Variants in SCARB1 observed in about 807,000 individuals in gnomAD.
SCARB1 encodes the protein scavenger receptor class B member 1.
In SCARB1, 30 loss-of-function variants were observed where a neutral mutation model predicts 57.2. The observed-to-expected ratio is 0.52, with a 90% CI of 0.39 to 0.71. The LOEUF (loss-of-function observed/expected upper bound fraction) is 0.71. SCARB1 is among the 30% of genes least tolerant of loss of function. SCARB1 has a pLI of 0.00. For missense variants in SCARB1, 543 were observed against 671.2 expected (o/e 0.81, Z 2.11); for synonymous variants, 249 against 268.3 (o/e 0.93, Z 0.70).
intron 4 of SCARB1, among the ~76,000 whole-genome samples, chr12:124,813,057 G>C (rs1950579727): frequency 6.6e-6 from 1 of 152,094 alleles, no homozygotes. Context: ...ACTACCCAAA[G>C]CCCAATCTCT....
At position 124,814,379 on chromosome 12, in the gene SCARB1, C is replaced by T. The variant is rs759362088; in HGVS notation, c.453G>A (p.Lys151=). 4.3e-6 allele frequency: 7 copies of T among 1,613,776 alleles called. No individual in the cohort carries two copies. In the African/African-American group the frequency reaches 8.0e-5, roughly 18 times the overall value. ...VLGAAVMMEN[K]PMTLKLIMTL... ...TCATGATGAGCTTCAGGGTCATGGGCTTATTCTCCATCATCACCGCCGCAC... is the reference window on the plus strand; with the variant it reads ...TCATGATGAGCTTCAGGGTCATGGGTTTATTCTCCATCATCACCGCCGCAC... Residue 151 remains lysine (K), a synonymous_variant, in exon 4 of 13, where the codon AAG becomes AAA. Coordinates refer to ENST00000261693, the MANE Select transcript of SCARB1 (RefSeq NM_005505.5). The surrounding 1 kb of genome is among the most constrained non-coding windows in gnomAD (Gnocchi z 4.7).
rs1950747371 is a variant in SCARB1, at chr12:124,817,042, GTGTGTGTA to G, written c.284+500_284+507del. ...TGCATGTGTGTGTGTGTGTGTGTGT[GTGTGTGTA>G]TGTGTGTATGCATGTGTAGGTACAT... On this transcript the variant is annotated intron_variant, in intron 2 of 12. Coordinates refer to ENST00000261693, the MANE Select transcript of SCARB1 (RefSeq NM_005505.5). The surrounding 1 kb of genome is among the most constrained non-coding windows in gnomAD (Gnocchi z 4.8). Among the ~76,000 whole-genome samples, 1 of 142,960 alleles carries G rather than the reference GTGTGTGTA, an allele frequency of 7.0e-6. No individual in the cohort carries two copies. Among genetic ancestry groups the G allele is most frequent in the African/African-American group, 2.8e-5 (1 of 35,354 alleles). 93.8% of individuals were successfully genotyped at this position (142,960 alleles called of 152,430 possible).
At chr12:124,827,460 C>T (rs78784700) in intron 1 of SCARB1, among the ~76,000 whole-genome samples, 8 of 152,124 alleles carry the variant, frequency 5.3e-5, no homozygotes, top group African/African-American at 7.2e-5. Flanking sequence ...CAGGTGGTGG[C>T]GCCAAGGTCG....
chr12:124,818,862 C>T (rs1397705519), intron 1 of SCARB1, among the ~76,000 whole-genome samples: 2 of 152,102 alleles, frequency 1.3e-5, no homozygotes, highest in African/African-American at 4.8e-5. Context: ...GGTTTCACCA[C>T]GTTGGCCAGG....
At chr12:124,799,050 T>C (rs921760649) in intron 8 of SCARB1, among the ~76,000 whole-genome samples, 5 of 152,176 alleles carry the variant, frequency 3.3e-5, no homozygotes, top group Admixed American at 3.3e-4. Context: ...AATAGCAATG[T>C]ATTGTAAGCT....
chr12:124,820,792 G>A (rs1190865678), intron 1 of SCARB1, among the ~76,000 whole-genome samples: 2 of 152,202 alleles, frequency 1.3e-5, no homozygotes, highest in Non-Finnish European at 2.9e-5. Flanking sequence ...AAAACAGTGG[G>A]GGGCAGGAGG....
intron 9 of SCARB1, among the ~76,000 whole-genome samples, chr12:124,788,876 A>G (rs1594194666): frequency 1.3e-5 from 2 of 152,314 alleles, no homozygotes; most frequent in East Asian, 1.9e-4. Context: ...AGCAAAGACA[A>G]ACAGACAAAC....
intron 1 of SCARB1, among the ~76,000 whole-genome samples, chr12:124,848,992 A>C (rs1457109985): frequency 6.6e-6 from 1 of 152,208 alleles, no homozygotes; most frequent in East Asian, 1.9e-4. Flanking sequence ...TTGAAGTGTG[A>C]CATGTGCCAA....
intron 1 of SCARB1, among the ~76,000 whole-genome samples, chr12:124,830,979 A>ATTT (rs34543026): frequency 0.042 from 5,796 of 137,866 alleles, 615 homozygotes; most frequent in African/African-American, 0.15. Context: ...TGCCCAGCTG[A>ATTT]TTTTTTTTTT....
At chr12:124,799,026 C>T (rs1950045618) in intron 8 of SCARB1, among the ~76,000 whole-genome samples, 1 of 152,112 alleles carries the variant, frequency 6.6e-6, no homozygotes, top group South Asian at 2.1e-4. Flanking sequence ...CAATACAACA[C>T]AGTGACTAGA....
intron 5 of SCARB1, among the ~76,000 whole-genome samples, chr12:124,811,165 A>G (rs536141802): frequency 1.2e-4 from 18 of 152,348 alleles, no homozygotes; most frequent in African/African-American, 3.8e-4. Flanking sequence ...GATGGGAAGA[A>G]TATATCCCAA....
At position 124,793,656 on chromosome 12, in the gene SCARB1, G is replaced by A. The variant is rs562164367; in HGVS notation, c.1202+1539C>T. Among the ~76,000 whole-genome samples, 475 of 141,430 alleles carry A rather than the reference G, an allele frequency of 3.4e-3. 3 individuals carry two copies. Among genetic ancestry groups the A allele is most frequent in the African/African-American group, 0.013 (460 of 36,598 alleles). 92.8% of individuals were successfully genotyped at this position (141,430 alleles called of 152,430 possible). A position where few individuals can be genotyped will look rare whatever the true frequency, so the allele number is the denominator to read the frequency against. On this transcript the variant is annotated intron_variant, in intron 9 of 12. Transcript: ENST00000261693. The stretch of plus-strand genomic sequence containing the variant: ...TGCAGTGAGCCGAGATCGCGCCACT[G>A]CACTCCAGCCTGGGCGACAGAGCGA...
At chr12:124,786,233 GCAGGACTGCTGCTGGAGGTGGGCT>G in intron 11 of SCARB1, 100 bp downstream of exon 11, 1 of 1,598,726 alleles carries the variant, frequency 6.3e-7, no homozygotes, top group Non-Finnish European at 8.5e-7. Flanking sequence ...CGGCAGAGAC[GCAGGACTGCTGCTGGAGGTGGGCT>G]CCAGGCTGCG....
At chr12:124,782,379 C>T (rs1949348469) in intron 12 of SCARB1, among the ~76,000 whole-genome samples, 1 of 152,216 alleles carries the variant, frequency 6.6e-6, no homozygotes, top group African/African-American at 2.4e-5. Flanking sequence ...GTCTATTGCA[C>T]AAGAGATTCC....
rs181473599 is a variant in SCARB1, at chr12:124,812,326, G to C, written c.631-361C>G. Among the ~76,000 whole-genome samples the C allele has an allele frequency of 5.2e-3, 788 of 152,248 alleles. 8 individuals carry two copies. The highest frequency in any genetic ancestry group is 5.2e-3 in the Non-Finnish European group (352 of 68,020). ...AAAAAGGAGAAGTGGCATGTCACTT[G>C]GGGGGATGCTTTAAGGACTGTGCAC... On this transcript the variant is annotated intron_variant, in intron 4 of 12. Transcript: ENST00000261693. The surrounding 1 kb of genome is among the most constrained non-coding windows in gnomAD (Gnocchi z 4.3).
intron 8 of SCARB1, among the ~76,000 whole-genome samples, chr12:124,798,045 G>A (rs1419499734): frequency 6.6e-6 from 1 of 152,354 alleles, no homozygotes; most frequent in African/African-American, 2.4e-5. Flanking sequence ...ATCAAGCGAA[G>A]TGTCCGTCAG....
chr12:124,819,317 C>G (rs936850087), intron 1 of SCARB1, among the ~76,000 whole-genome samples: 2 of 152,128 alleles, frequency 1.3e-5, no homozygotes, highest in Non-Finnish European at 2.9e-5. Context: ...AGAGAGCCTC[C>G]CTGTGTGGCT....
chr12:124,833,593 T>C (rs1411581668), intron 1 of SCARB1, among the ~76,000 whole-genome samples: 1 of 152,084 alleles, frequency 6.6e-6, no homozygotes, highest in Non-Finnish European at 1.5e-5. Context: ...GGGACATTGT[T>C]CAGCCTGCCA....
chr12:124,832,067 C>T (rs1028080950), intron 1 of SCARB1, among the ~76,000 whole-genome samples: 2 of 152,134 alleles, frequency 1.3e-5, no homozygotes, highest in Non-Finnish European at 2.9e-5. Flanking sequence ...ACGAAGGAAA[C>T]GTGAATCCTG....
Sources: allele counts gnomAD v4.1 joint callset (sites outside exome capture counted in the v4.1 genomes callset), GRCh38; gene constraint gnomAD v4.1.1; non-coding constraint Gnocchi (gnomAD v3.1); transcripts MANE v1.5; gene names NCBI Gene and HGNC (gene_info 2026-07-23, HGNC 2026-07-21).